The following PPM1H variants were observed in gnomAD, a reference collection of about 807,000 sequenced individuals.
PPM1H encodes the protein protein phosphatase, Mg2+/Mn2+ dependent 1H, also known as protein phosphatase 1H.
In PPM1H, 27 loss-of-function variants were observed where a neutral mutation model predicts 54.9. That is an observed-to-expected ratio of 0.49 (90% CI 0.36 to 0.68). PPM1H has a LOEUF of 0.68. Among genes scored for constraint, PPM1H ranks in the 30% least tolerant of loss-of-function variants. The probability of loss-of-function intolerance (pLI) is 0.00; values close to 1 mark genes in which losing one functional copy is unlikely to be tolerated. For synonymous variants in PPM1H, 305 were observed against 270.8 expected, an observed-to-expected ratio of 1.13 and a Z score of -1.24; for missense variants, 596 against 667.8, an observed-to-expected ratio of 0.89 and a Z score of 1.19.
chr12:62,710,761 G>A (rs929056171), intron 6 of PPM1H, among the ~76,000 whole-genome samples: 3 of 152,118 alleles, frequency 2.0e-5, no homozygotes, highest in South Asian at 4.1e-4. Context: ...GTTTCTTCTC[G>A]AAACTGCCTT....
In PPM1H at chr12:62,934,585, T is replaced by A; in HGVS notation, c.152A>T (p.Gln51Leu). The A allele has an allele frequency of 6.4e-7, 1 of 1,564,896 alleles. No homozygotes were observed. Among genetic ancestry groups the A allele is most frequent in the South Asian group, 1.2e-5 (1 of 85,150 alleles). Residue 51 changes from glutamine to leucine, a missense_variant, in exon 1 of 10, where the codon CAG (glutamine) becomes CTG (leucine). Physicochemically the swap from Gln to Leu is moderately radical, Grantham distance 113. Transcript: ENST00000228705. This position sits in a 1 kb window ranked among gnomAD's most constrained non-coding sequence, Gnocchi z 4.2. ...YGRPEFLGLS[Q>L]DEVECSADHI... is the part of the protein sequence containing the mutation. Reference sequence around the variant, plus strand: ...GTCGGCGCTGCACTCCACCTCGTCCTGAGACAGCCCCAGGAACTCTGGCCG... The same window carrying A: ...GTCGGCGCTGCACTCCACCTCGTCCAGAGACAGCCCCAGGAACTCTGGCCG...
chr12:62,737,455 G>T, intron 5 of PPM1H, 47 bp downstream of exon 5: 4 of 1,341,038 alleles, frequency 3.0e-6, no homozygotes, highest in South Asian at 1.3e-5. Flanking sequence ...CAGCTCCGAT[G>T]CCATCCCTGA....
At chr12:62,746,138 T>G (rs2076409074) in intron 4 of PPM1H, among the ~76,000 whole-genome samples, 1 of 152,098 alleles carries the variant, frequency 6.6e-6, no homozygotes, top group Non-Finnish European at 1.5e-5. Context: ...AAGGCTATGA[T>G]GAGCTATGAT....
intron 8 of PPM1H, among the ~76,000 whole-genome samples, chr12:62,671,147 T>A (rs1024565067): frequency 2.6e-5 from 4 of 152,030 alleles, no homozygotes; most frequent in Non-Finnish European, 5.9e-5. Flanking sequence ...CCTGTTCAAT[T>A]CCTTAAATAG....
intron 3 of PPM1H, among the ~76,000 whole-genome samples, chr12:62,791,062 C>A (rs61921191): frequency 0.067 from 10,152 of 152,086 alleles, 468 homozygotes; most frequent in South Asian, 0.14. Context: ...GTTCAATGGA[C>A]AAATGAAGAA....
At chr12:62,696,527 C>A (rs1275793291) in intron 6 of PPM1H, among the ~76,000 whole-genome samples, 5 of 152,150 alleles carry the variant, frequency 3.3e-5, no homozygotes, top group African/African-American at 1.2e-4. Flanking sequence ...AAGCACAGAT[C>A]ATCATATAAA....
chr12:62,855,327 A>G (rs1303644534), intron 1 of PPM1H, among the ~76,000 whole-genome samples: 1 of 152,190 alleles, frequency 6.6e-6, no homozygotes, highest in African/African-American at 2.4e-5. Context: ...TGACATAGAT[A>G]TCAGACAGTA....
At chr12:62,772,116 C>T (rs1365832250) in intron 4 of PPM1H, among the ~76,000 whole-genome samples, 1 of 152,120 alleles carries the variant, frequency 6.6e-6, no homozygotes, top group Admixed American at 6.5e-5. Context: ...TTTGGTGAAC[C>T]CCTAGCATTT....
chr12:62,886,890 T>C (rs1048027170), intron 1 of PPM1H, among the ~76,000 whole-genome samples: 2 of 152,214 alleles, frequency 1.3e-5, no homozygotes, highest in African/African-American at 2.4e-5. Context: ...GATGGAATCA[T>C]GTTGGCATTT....
In PPM1H at chr12:62,916,621, GTATT is replaced by G. The variant is rs975575660; in HGVS notation, c.245+17867_245+17870del. 1.1e-3 allele frequency among the ~76,000 whole-genome samples: 171 copies of G among 151,448 alleles called. 1 individual carries two copies. The highest frequency in any genetic ancestry group is 3.9e-3 in the African/African-American group (162 of 41,112). On this transcript the variant is annotated intron_variant, in intron 1 of 9. Coordinates refer to ENST00000228705, the MANE Select transcript of PPM1H (RefSeq NM_020700.2). The stretch of plus-strand genomic sequence containing the variant: ...ATGTACTTAAGTGCAAACACCAAGA[GTATT>G]TTTTTTTTTGGTGACAAAAAAATTA...
intron 1 of PPM1H, among the ~76,000 whole-genome samples, chr12:62,883,966 A>T (rs1303601613): frequency 6.6e-6 from 1 of 151,242 alleles, no homozygotes; most frequent in Admixed American, 6.6e-5. Context: ...TGCACGTGAC[A>T]AGTCACCTGG....
intron 6 of PPM1H, among the ~76,000 whole-genome samples, chr12:62,703,622 C>G (rs1355736388): frequency 6.6e-6 from 1 of 152,022 alleles, no homozygotes; most frequent in East Asian, 1.9e-4. Context: ...GGATGAAACA[C>G]CACCCAGGCC....
chr12:62,792,253 GA>G (rs957761101), intron 3 of PPM1H, among the ~76,000 whole-genome samples: 1 of 152,120 alleles, frequency 6.6e-6, no homozygotes, highest in Non-Finnish European at 1.5e-5. Context: ...AACTTTGGGG[GA>G]AACATTCCAG....
At chr12:62,740,614 T>C (rs1311872043) in intron 4 of PPM1H, among the ~76,000 whole-genome samples, 1 of 152,182 alleles carries the variant, frequency 6.6e-6, no homozygotes, top group Non-Finnish European at 1.5e-5. Flanking sequence ...ATTGATTACT[T>C]AACTGTCTGC....
At chr12:62,804,824 C>T (rs1367721000) in intron 2 of PPM1H, among the ~76,000 whole-genome samples, 6 of 150,710 alleles carry the variant, frequency 4.0e-5, no homozygotes, top group South Asian at 4.2e-4. Flanking sequence ...TACAGGCGCC[C>T]GCCACTACGC....
chr12:62,683,659 C>T (rs1156541694), intron 8 of PPM1H, among the ~76,000 whole-genome samples: 13 of 152,204 alleles, frequency 8.5e-5, no homozygotes, highest in African/African-American at 2.9e-4. Context: ...AAATTGGGCC[C>T]CTGTGGTTCA....
intron 1 of PPM1H, among the ~76,000 whole-genome samples, chr12:62,866,476 A>C (rs1002453005): frequency 6.6e-6 from 1 of 152,180 alleles, no homozygotes; most frequent in South Asian, 2.1e-4. Context: ...GGTAAAAGAC[A>C]TCAAGGCTTC....
chr12:62,687,834 C>A (rs2136635298), intron 8 of PPM1H, among the ~76,000 whole-genome samples: 1 of 152,032 alleles, frequency 6.6e-6, no homozygotes, highest in South Asian at 2.1e-4. Flanking sequence ...CATGGTGAAA[C>A]CCTGTCTCCA....
At chr12:62,767,651 G>T (rs2120636775) in intron 4 of PPM1H, among the ~76,000 whole-genome samples, 1 of 152,260 alleles carries the variant, frequency 6.6e-6, no homozygotes, top group South Asian at 2.1e-4. Flanking sequence ...ATGTGTGGCA[G>T]TCTCCTAGGA....
Sources: allele counts gnomAD v4.1 joint callset (sites outside exome capture counted in the v4.1 genomes callset), GRCh38; gene constraint gnomAD v4.1.1; non-coding constraint Gnocchi (gnomAD v3.1); transcripts MANE v1.5; gene names NCBI Gene and HGNC (gene_info 2026-07-23, HGNC 2026-07-21).